Variants in MGMT observed in about 807,000 individuals in gnomAD.
The protein encoded by MGMT is methylated-DNA--protein-cysteine methyltransferase.
A neutral mutation model predicts 15.9 loss-of-function variants in MGMT; 14 were observed. The observed-to-expected ratio is 0.88, with a 90% CI of 0.58 to 1.37. The LOEUF (loss-of-function observed/expected upper bound fraction) is 1.37, where lower values mean the gene tolerates loss of function less well. Among genes scored for constraint, MGMT ranks in the 40% most tolerant of loss-of-function variants. The pLI, the probability that MGMT is intolerant of heterozygous loss-of-function variation, is 0.00. For missense variants in MGMT, 282 were observed against 268.1 expected (o/e 1.05, Z -0.36); for synonymous variants, 130 against 118.2 (o/e 1.10, Z -0.65).
At chr10:129,641,584 A>C (rs956292776) in intron 2 of MGMT, among the ~76,000 whole-genome samples, 1 of 152,158 alleles carries the variant, frequency 6.6e-6, no homozygotes, top group African/African-American at 2.4e-5. Context: ...TTTAGTTCGT[A>C]TTTCACAAGA....
intron 2 of MGMT, among the ~76,000 whole-genome samples, chr10:129,610,913 G>A (rs1846952122): frequency 6.6e-6 from 1 of 152,204 alleles, no homozygotes; most frequent in Admixed American, 6.5e-5. Context: ...CTAGCACAAA[G>A]TATGTTCTCG....
chr10:129,500,722 G>C (rs537018874), intron 1 of MGMT, among the ~76,000 whole-genome samples: 1 of 151,890 alleles, frequency 6.6e-6, no homozygotes, highest in Non-Finnish European at 1.5e-5. Context: ...CCTGATTTTT[G>C]TATGTTTTTG....
At chr10:129,729,977 G>A (rs937667784) in intron 3 of MGMT, among the ~76,000 whole-genome samples, 2 of 152,252 alleles carry the variant, frequency 1.3e-5, no homozygotes, top group Admixed American at 6.5e-5. Flanking sequence ...GGCGTGGACA[G>A]TGGGGTGGAT....
In MGMT at chr10:129,552,474, G is replaced by GTCACAGAA. The variant is rs1846168614; in HGVS notation, c.125+16099_125+16106dup. On this transcript the variant is annotated intron_variant, in intron 2 of 4. Coordinates refer to ENST00000651593, the MANE Select transcript of MGMT (RefSeq NM_002412.5). ...GTTTGTGGCCTTCAAAGCCTTCAAT[G>GTCACAGAA]TCACAGAATTCTGAGTCTTTAGCTA... 4.6e-5 allele frequency among the ~76,000 whole-genome samples: 7 copies of GTCACAGAA among 152,352 alleles called. No individual in the cohort carries two copies. The South Asian group carries it at 1.5e-3, about 32-fold the overall frequency.
chr10:129,706,465 C>G (rs998455069), intron 2 of MGMT, among the ~76,000 whole-genome samples: 1 of 152,142 alleles, frequency 6.6e-6, no homozygotes, highest in Non-Finnish European at 1.5e-5. Context: ...GAAGGGCCCG[C>G]GGGAGCTGTG....
At chr10:129,704,318 G>C (rs1290008469) in intron 2 of MGMT, among the ~76,000 whole-genome samples, 1 of 152,120 alleles carries the variant, frequency 6.6e-6, no homozygotes, top group Admixed American at 6.5e-5. Flanking sequence ...TGCTCGGCAG[G>C]CCCATTCTCT....
intron 2 of MGMT, among the ~76,000 whole-genome samples, chr10:129,698,193 G>C (rs4750764): frequency 1.3e-5 from 2 of 151,994 alleles, no homozygotes; most frequent in Non-Finnish European, 2.9e-5. Context: ...CCAGCAGAGA[G>C]AGACCAGAAT....
intron 1 of MGMT, among the ~76,000 whole-genome samples, chr10:129,497,679 C>A (rs2119669821): frequency 6.6e-6 from 1 of 152,284 alleles, no homozygotes; most frequent in Non-Finnish European, 1.5e-5. Context: ...TATGCTTCCT[C>A]CAAATTCCTG....
intron 2 of MGMT, among the ~76,000 whole-genome samples, chr10:129,704,995 C>T (rs573259519): frequency 3.3e-4 from 50 of 152,306 alleles, no homozygotes; most frequent in African/African-American, 1.1e-3. Flanking sequence ...CTCTTTCCCC[C>T]ACATCTCCCC....
Position 129,754,833 on chromosome 10 carries a change from A to G in MGMT, c.275-4369A>G, listed in dbSNP as rs144501393. ...GGAGGGGCCCTCATGACCTAATCAC[A>G]TCTTAACACTGTCACAGTGGCAGTT... is the stretch of plus-strand genomic sequence containing the variant. On this transcript the variant is annotated intron_variant, in intron 3 of 4. Coordinates refer to ENST00000651593, the MANE Select transcript of MGMT (RefSeq NM_002412.5). Among the ~76,000 whole-genome samples, 1,400 of 152,310 alleles carry G rather than the reference A, an allele frequency of 9.2e-3. 19 individuals are homozygous for G. Among genetic ancestry groups the G allele is most frequent in the African/African-American group, 0.031 (1,293 of 41,562 alleles).
chr10:129,712,721 G>A (rs1473630833), intron 3 of MGMT, among the ~76,000 whole-genome samples: 1 of 152,138 alleles, frequency 6.6e-6, no homozygotes, highest in Non-Finnish European at 1.5e-5. Context: ...GGGAGGAGAG[G>A]AGAAGAGAGT....
intron 1 of MGMT, among the ~76,000 whole-genome samples, chr10:129,478,911 A>G (rs1279573740): frequency 1.8e-5 from 2 of 114,144 alleles, no homozygotes; most frequent in African/African-American, 2.6e-5. Flanking sequence ...GTTCAGTTCC[A>G]TAGTGAGAAT....
chr10:129,687,986 T>G lies in MGMT; in HGVS notation c.126-19909T>G, dbSNP rs181901189. The stretch of plus-strand genomic sequence containing the variant: ...CCTTGCAATAGTTTGCTGAGAATGA[T>G]GGTTTCCAGCTTCATCCATGTCCCT... On this transcript the variant is annotated intron_variant, in intron 2 of 4. Transcript: ENST00000651593. Among the ~76,000 whole-genome samples the G allele has an allele frequency of 3.6e-3, 544 of 152,286 alleles. 6 individuals are homozygous for G. The highest frequency in any genetic ancestry group is 0.013 in the African/African-American group (534 of 41,546).
chr10:129,638,970 A>T (rs553761222), intron 2 of MGMT, among the ~76,000 whole-genome samples: 1 of 152,334 alleles, frequency 6.6e-6, no homozygotes, highest in African/African-American at 2.4e-5. Flanking sequence ...TGTTAGAGAT[A>T]GAAAAGGTGA....
Position 129,657,644 on chromosome 10 carries a change from T to TG in MGMT, c.126-50242dup, listed in dbSNP as rs112252396. Among the ~76,000 whole-genome samples, 280 of 121,286 alleles carry TG rather than the reference T, an allele frequency of 2.3e-3. 1 individual carries two copies. Among genetic ancestry groups the TG allele is most frequent in the African/African-American group, 4.9e-3 (160 of 32,532 alleles). 79.6% of individuals were successfully genotyped at this position (121,286 alleles called of 152,430 possible). A position where few individuals can be genotyped will look rare whatever the true frequency, so the allele number is the denominator to read the frequency against. On this transcript the variant is annotated intron_variant, in intron 2 of 4. Coordinates refer to ENST00000651593, the MANE Select transcript of MGMT (RefSeq NM_002412.5). ...GACAGCCTGGAGGAGGAGCTGGAGC[T>TG]GGGGGGGGGACAGGCTGGCCAGCTC...
At chr10:129,685,230 G>T (rs146135191) in intron 2 of MGMT, among the ~76,000 whole-genome samples, 1 of 152,312 alleles carries the variant, frequency 6.6e-6, no homozygotes, top group East Asian at 1.9e-4. Flanking sequence ...GAACACTTTC[G>T]CAGCTTTAAT....
chr10:129,526,918 T>C (rs1377982322), intron 1 of MGMT, among the ~76,000 whole-genome samples: 1 of 152,214 alleles, frequency 6.6e-6, no homozygotes, highest in Admixed American at 6.5e-5. Flanking sequence ...ACGCCATTCA[T>C]GTTAAAAGGG....
chr10:129,471,289 C>T (rs1363328506), intron 1 of MGMT, among the ~76,000 whole-genome samples: 1 of 152,230 alleles, frequency 6.6e-6, no homozygotes, highest in Non-Finnish European at 1.5e-5. Flanking sequence ...TCAGGCAATT[C>T]TGGCACGGGA....
chr10:129,659,401 G>A lies in MGMT; in HGVS notation c.126-48494G>A, dbSNP rs1016499558. Among the ~76,000 whole-genome samples the A allele has an allele frequency of 1.3e-5, 2 of 151,874 alleles. No homozygotes were observed. Among genetic ancestry groups the A allele is most frequent in the Non-Finnish European group, 2.9e-5 (2 of 68,006 alleles). On this transcript the variant is annotated intron_variant, in intron 2 of 4. Coordinates refer to ENST00000651593, the MANE Select transcript of MGMT (RefSeq NM_002412.5). The surrounding 1 kb of genome is among the most constrained non-coding windows in gnomAD (Gnocchi z 4.1). ...TACTCAGATGTAGCTGTCTCTGCCT[G>A]GGTTGTTTTCTAAATGCGTTTGGCT...
Sources: allele counts gnomAD v4.1 joint callset (sites outside exome capture counted in the v4.1 genomes callset), GRCh38; gene constraint gnomAD v4.1.1; non-coding constraint Gnocchi (gnomAD v3.1); transcripts MANE v1.5; gene names NCBI Gene and HGNC (gene_info 2026-07-23, HGNC 2026-07-21).